KLHL14: variants seen among roughly 807,000 people sequenced by gnomAD.
The protein encoded by KLHL14 is kelch-like protein 14.
Under a neutral mutation model 64.3 loss-of-function variants are expected in KLHL14, and 22 were observed. The ratio of observed to expected loss-of-function variants is 0.34; its 90% CI spans 0.24 to 0.49. The LOEUF is 0.49. Ranked by LOEUF, KLHL14 falls within the 20% of genes least tolerant of loss-of-function variation. KLHL14 has a pLI of 0.99. For synonymous variants in KLHL14, 322 were observed against 333.4 expected (o/e 0.97, Z 0.37); for missense variants, 661 against 789.0 (o/e 0.84, Z 1.94).
chr18:32,675,336 T>C (rs754529698), intron 8 of KLHL14, among the ~76,000 whole-genome samples: 1 of 152,108 alleles, frequency 6.6e-6, no homozygotes, highest in Non-Finnish European at 1.5e-5. Flanking sequence ...CAGAGTAAGA[T>C]CTTGGCTTAA....
At chr18:32,718,616 CA>C (rs2050058247) in intron 3 of KLHL14, among the ~76,000 whole-genome samples, 1 of 152,062 alleles carries the variant, frequency 6.6e-6, no homozygotes, top group African/African-American at 2.4e-5. Context: ...ATTTTACCAC[CA>C]AAATGAATTC....
intron 2 of KLHL14, chr18:32,745,028 C>G (rs958521711): frequency 6.6e-6 from 1 of 152,226 alleles, no homozygotes; most frequent in Non-Finnish European, 1.5e-5. Context: ...TCTGCAGAGA[C>G]TGTAATAAAG....
At chr18:32,689,330 A>C (rs2049895636) in intron 4 of KLHL14, among the ~76,000 whole-genome samples, 1 of 152,206 alleles carries the variant, frequency 6.6e-6, no homozygotes, top group South Asian at 2.1e-4. Context: ...CTGGAATAGA[A>C]GAAGCAAAAC....
chr18:32,689,674 C>T (rs1218925256), intron 4 of KLHL14, among the ~76,000 whole-genome samples: 1 of 152,118 alleles, frequency 6.6e-6, no homozygotes, highest in African/African-American at 2.4e-5. Flanking sequence ...TTCGGACACA[C>T]TGGAAAGTCC....
intron 3 of KLHL14, among the ~76,000 whole-genome samples, chr18:32,734,755 A>G (rs2144523478): frequency 6.6e-6 from 1 of 152,330 alleles, no homozygotes; most frequent in Non-Finnish European, 1.5e-5. Context: ...CTGTGAGGTG[A>G]GTACAATTAT....
intron 3 of KLHL14, among the ~76,000 whole-genome samples, chr18:32,702,637 G>A (rs1371567312): frequency 1.3e-5 from 2 of 151,780 alleles, no homozygotes; most frequent in African/African-American, 4.8e-5. Context: ...GTTATATTTG[G>A]GCTCTACTAT....
At chr18:32,733,955 A>T in intron 3 of KLHL14, 1 of 565,042 alleles carries the variant, frequency 1.8e-6, no homozygotes, top group Non-Finnish European at 3.2e-6. Flanking sequence ...ATTTCTCTTT[A>T]GTTTATTCAT....
chr18:32,746,418 T>C (rs2050224227), intron 2 of KLHL14, among the ~76,000 whole-genome samples: 1 of 152,238 alleles, frequency 6.6e-6, no homozygotes, highest in African/African-American at 2.4e-5. Flanking sequence ...CGTGCATACA[T>C]ACTTTGGTTC....
intron 2 of KLHL14, among the ~76,000 whole-genome samples, chr18:32,751,212 G>T (rs2050249419): frequency 6.6e-6 from 1 of 152,216 alleles, no homozygotes; most frequent in Non-Finnish European, 1.5e-5. Context: ...ACCCAAAACT[G>T]CCCTAAGGAG....
intron 4 of KLHL14, among the ~76,000 whole-genome samples, chr18:32,692,592 T>G (rs1180022937): frequency 2.0e-5 from 3 of 152,230 alleles, no homozygotes; most frequent in Admixed American, 1.3e-4. Flanking sequence ...GAGTTCCTTG[T>G]GAGTGAGTGG....
At chr18:32,756,292 C>T (rs1256149045) in intron 2 of KLHL14, among the ~76,000 whole-genome samples, 4 of 152,136 alleles carry the variant, frequency 2.6e-5, no homozygotes, top group Non-Finnish European at 5.9e-5. Context: ...AAGAGAGGCT[C>T]CGCAGAAATC....
chr18:32,681,990 A>G (rs2049841606), intron 5 of KLHL14, among the ~76,000 whole-genome samples: 1 of 152,160 alleles, frequency 6.6e-6, no homozygotes, highest in South Asian at 2.1e-4. Context: ...TCACAGGGCT[A>G]TTGGCAAATA....
chr18:32,716,342 AC>A (rs899707867), intron 3 of KLHL14, among the ~76,000 whole-genome samples: 4 of 152,314 alleles, frequency 2.6e-5, no homozygotes, highest in African/African-American at 7.2e-5. Context: ...TGTAAAAAAA[AC>A]AGTGGCTTTT....
At chr18:32,678,830 G>C (rs112412273) in intron 7 of KLHL14, among the ~76,000 whole-genome samples, 1 of 152,052 alleles carries the variant, frequency 6.6e-6, no homozygotes, top group African/African-American at 2.4e-5. Flanking sequence ...ACCCAGTTTT[G>C]ATGTGTGCAC....
At chr18:32,722,084 G>A (rs9958329) in intron 3 of KLHL14, among the ~76,000 whole-genome samples, 36,642 of 152,006 alleles carry the variant, frequency 0.24, 4,623 homozygotes, top group Middle Eastern at 0.32. Context: ...CCCTGCACAC[G>A]CCCTCTTGCC....
At chr18:32,726,083 T>C (rs1325652438) in intron 3 of KLHL14, among the ~76,000 whole-genome samples, 1 of 152,266 alleles carries the variant, frequency 6.6e-6, no homozygotes. Flanking sequence ...TAGATTATAG[T>C]GCAAGGGTTA....
At chr18:32,754,952 G>A (rs142236762) in intron 2 of KLHL14, among the ~76,000 whole-genome samples, 1 of 151,930 alleles carries the variant, frequency 6.6e-6, no homozygotes, top group African/African-American at 2.4e-5. Flanking sequence ...CCTTATTTTT[G>A]TGTAGATCTG....
chr18:32,702,550 TGATA>T (rs558953322), intron 3 of KLHL14, among the ~76,000 whole-genome samples: 163 of 151,868 alleles, frequency 1.1e-3, no homozygotes, highest in African/African-American at 3.8e-3. Flanking sequence ...AGGAAGGGCT[TGATA>T]GATATTATTG....
intron 3 of KLHL14, among the ~76,000 whole-genome samples, chr18:32,736,747 A>G (rs1381612702): frequency 1.3e-5 from 2 of 152,078 alleles, no homozygotes; most frequent in Non-Finnish European, 2.9e-5. Context: ...CATTCTCAAT[A>G]CTGGGTGGTC....
Sources: allele counts gnomAD v4.1 joint callset (sites outside exome capture counted in the v4.1 genomes callset), GRCh38; gene constraint gnomAD v4.1.1; transcripts MANE v1.5; gene names NCBI Gene and HGNC (gene_info 2026-07-23, HGNC 2026-07-21).